MAP3K5: variants seen among roughly 807,000 people sequenced by gnomAD.
MAP3K5 encodes the protein ASK-1.
In MAP3K5, 56 loss-of-function variants were observed where a neutral mutation model predicts 158.7. The ratio of observed to expected loss-of-function variants is 0.35; its 90% CI spans 0.28 to 0.44. MAP3K5 has a LOEUF of 0.44. MAP3K5 is among the 20% of genes least tolerant of loss of function. The probability of loss-of-function intolerance (pLI) is 1.00; values close to 1 mark genes in which losing one functional copy is unlikely to be tolerated. For synonymous variants in MAP3K5, 579 were observed against 601.7 expected (o/e 0.96, Z 0.55); for missense variants, 1,294 against 1,674.8 (o/e 0.77, Z 3.97).
intron 14 of MAP3K5, among the ~76,000 whole-genome samples, chr6:136,628,545 T>TATA (rs1393219012): frequency 6.6e-6 from 1 of 152,164 alleles, no homozygotes; most frequent in Non-Finnish European, 1.5e-5. Context: ...CAGGTATGCT[T>TATA]ATATAGAAGA....
chr6:136,780,426 T>C (rs557362452), intron 1 of MAP3K5, among the ~76,000 whole-genome samples: 42 of 152,382 alleles, frequency 2.8e-4, no homozygotes, highest in African/African-American at 9.4e-4. Context: ...GTATACCATA[T>C]TTGCTCTTCG....
chr6:136,645,481 G>C (rs2237269), intron 11 of MAP3K5, among the ~76,000 whole-genome samples: 33,769 of 151,976 alleles, frequency 0.22, 4,370 homozygotes, highest in East Asian at 0.39. Context: ...AATCCGTGAG[G>C]TAGGCCAAGG....
intron 14 of MAP3K5, among the ~76,000 whole-genome samples, chr6:136,631,956 G>A (rs982408766): frequency 1.3e-5 from 2 of 152,152 alleles, no homozygotes; most frequent in Non-Finnish European, 2.9e-5. Flanking sequence ...AGAGAACAGA[G>A]AAAAGCAAGA....
At chr6:136,775,579 C>T (rs1784373250) in intron 1 of MAP3K5, among the ~76,000 whole-genome samples, 1 of 152,112 alleles carries the variant, frequency 6.6e-6, no homozygotes, top group African/African-American at 2.4e-5. Context: ...CACCTAACTC[C>T]CCTGATAATA....
At chr6:136,660,502 T>C (rs943970473) in intron 8 of MAP3K5, among the ~76,000 whole-genome samples, 1 of 152,240 alleles carries the variant, frequency 6.6e-6, no homozygotes, top group East Asian at 1.9e-4. Context: ...TCCGGTAATG[T>C]AGATACTCCA....
intron 1 of MAP3K5, among the ~76,000 whole-genome samples, chr6:136,727,893 C>T (rs899982769): frequency 1.3e-5 from 2 of 151,362 alleles, no homozygotes; most frequent in Non-Finnish European, 2.9e-5. Context: ...ACCCAGGAGG[C>T]GCAGCTTGCA....
intron 3 of MAP3K5, among the ~76,000 whole-genome samples, chr6:136,703,264 C>A (rs1780930663): frequency 6.6e-6 from 1 of 152,200 alleles, no homozygotes; most frequent in Non-Finnish European, 1.5e-5. Context: ...ATATTTGGTT[C>A]TTTTATCAGC....
At chr6:136,591,327 T>G (rs1775376368) in intron 23 of MAP3K5, among the ~76,000 whole-genome samples, 1 of 152,240 alleles carries the variant, frequency 6.6e-6, no homozygotes, top group Non-Finnish European at 1.5e-5. Flanking sequence ...AGTGTGGGTG[T>G]GTGTGTGTAT....
chr6:136,567,688 T>C lies in MAP3K5; in HGVS notation c.3704A>G (p.Gln1235Arg). 1.2e-6 allele frequency: 2 copies of C among 1,614,162 alleles called. No individual in the cohort carries two copies. Among genetic ancestry groups the C allele is most frequent in the Non-Finnish European group, 1.7e-6 (2 of 1,180,028 alleles). Residue 1235 changes from glutamine (Q) to arginine (R), a missense_variant, in exon 26 of 30, where the codon CAG (glutamine) becomes CGG (arginine). Coordinates refer to ENST00000359015, the MANE Select transcript of MAP3K5 (RefSeq NM_005923.4). The stretch of plus-strand genomic sequence containing the variant: ...TACATTCAGTGACCGGTGAGCACTC[T>C]GGGAATCATGAGACACAGTAGAACT... ...TLSSTVSHDS[Q>R]SAHRSLNVQL...
At chr6:136,631,803 C>T (rs566777528) in intron 14 of MAP3K5, among the ~76,000 whole-genome samples, 1 of 152,238 alleles carries the variant, frequency 6.6e-6, no homozygotes, top group Non-Finnish European at 1.5e-5. Context: ...TACTTGGACA[C>T]CTGGCACCAT....
chr6:136,608,836 C>G (rs1212439914), intron 18 of MAP3K5, among the ~76,000 whole-genome samples: 1 of 152,204 alleles, frequency 6.6e-6, no homozygotes, highest in African/African-American at 2.4e-5. Flanking sequence ...GTGATCACTG[C>G]TGCCTTTTCC....
chr6:136,624,093 C>T (rs1273871038), intron 14 of MAP3K5, among the ~76,000 whole-genome samples: 1 of 152,036 alleles, frequency 6.6e-6, no homozygotes, highest in East Asian at 1.9e-4. Flanking sequence ...ACTCAAGAGG[C>T]TGAGGCAGGA....
At chr6:136,567,582 TAGTAAA>T (rs1172059720) in intron 26 of MAP3K5, 43 bp downstream of exon 26, 3 of 1,550,760 alleles carry the variant, frequency 1.9e-6, no homozygotes, top group Non-Finnish European at 2.6e-6. Context: ...ACATGCTCTT[TAGTAAA>T]AGTAAAAGAA....
intron 24 of MAP3K5, among the ~76,000 whole-genome samples, chr6:136,583,254 T>C (rs1774969189): frequency 6.6e-6 from 1 of 152,228 alleles, no homozygotes; most frequent in African/African-American, 2.4e-5. Context: ...GTTGCTAAAG[T>C]TGTCAAAATA....
At chr6:136,722,523 T>C (rs1781785673) in intron 1 of MAP3K5, among the ~76,000 whole-genome samples, 1 of 152,152 alleles carries the variant, frequency 6.6e-6, no homozygotes, top group African/African-American at 2.4e-5. Context: ...TTACTCTCCA[T>C]CTTGCTTCTA....
At chr6:136,643,945 G>A (rs1051725143) in intron 11 of MAP3K5, among the ~76,000 whole-genome samples, 1 of 152,086 alleles carries the variant, frequency 6.6e-6, no homozygotes, top group Non-Finnish European at 1.5e-5. Context: ...GCTGTTACCT[G>A]TACACTACTT....
intron 1 of MAP3K5, among the ~76,000 whole-genome samples, 200 bp downstream of exon 1, chr6:136,791,510 G>A (rs1323392818): frequency 6.6e-6 from 1 of 152,186 alleles, no homozygotes; most frequent in African/African-American, 2.4e-5. Context: ...TATCGCACAA[G>A]TACACACAGA....
intron 1 of MAP3K5, among the ~76,000 whole-genome samples, chr6:136,768,751 T>C (rs1469023981): frequency 1.3e-5 from 2 of 151,280 alleles, no homozygotes; most frequent in African/African-American, 4.9e-5. Context: ...CCATCTCTCC[T>C]AAAAATTCAA....
intron 1 of MAP3K5, among the ~76,000 whole-genome samples, chr6:136,730,764 C>G (rs1782191433): frequency 6.7e-6 from 1 of 149,488 alleles, no homozygotes; most frequent in African/African-American, 2.5e-5. Context: ...AATGGGTGAC[C>G]ACTGAAACAG....
Sources: gnomAD v4.1 joint callset for allele counts (sites outside exome capture counted in the v4.1 genomes callset) on GRCh38, gnomAD v4.1.1 for gene constraint, MANE v1.5 for transcripts, NCBI Gene and HGNC (gene_info 2026-07-23, HGNC 2026-07-21) for gene names.